ABI2: variants seen among roughly 807,000 people sequenced by gnomAD.
ABI2 encodes abl interactor 2, also known as abelson interactor 2.
ABI2 carries 25 observed loss-of-function variants against 59.2 expected under a neutral mutation model. That is an observed-to-expected ratio of 0.42 (90% CI 0.31 to 0.59). The LOEUF is 0.59. Ranked by LOEUF, ABI2 falls within the 20% of genes least tolerant of loss-of-function variation. The probability of loss-of-function intolerance (pLI) is 0.14; values close to 1 mark genes in which losing one functional copy is unlikely to be tolerated. For missense variants in ABI2, 545 were observed against 681.8 expected (o/e 0.80, Z 2.23); for synonymous variants, 213 against 235.5 (o/e 0.90, Z 0.87).
At chr2:203,358,120 T>C in intron 1 of ABI2, among the ~76,000 whole-genome samples, 1 of 125,678 alleles carries the variant, frequency 8.0e-6, no homozygotes, top group Admixed American at 8.3e-5. Context: ...TGTGTTTGTT[T>C]GTTTGTTTGT....
intron 11 of ABI2, among the ~76,000 whole-genome samples, chr2:203,422,594 A>G (rs1270850876): frequency 6.6e-6 from 1 of 152,208 alleles, no homozygotes; most frequent in Non-Finnish European, 1.5e-5. Flanking sequence ...CATGGAAGCC[A>G]TGGAGGAAAA....
intron 1 of ABI2, among the ~76,000 whole-genome samples, chr2:203,344,911 C>A (rs951298907): frequency 3.9e-5 from 6 of 152,150 alleles, no homozygotes; most frequent in Non-Finnish European, 8.8e-5. Context: ...AAAAACGAAC[C>A]AATCAGCGCT....
Position 203,328,552 on chromosome 2 carries a change from CG to C in ABI2, c.44del (p.Gly15AlafsTer33). The C allele has an allele frequency of 4.4e-6, 7 of 1,604,752 alleles. No individual in the cohort carries two copies. The highest frequency in any genetic ancestry group is 4.6e-5 in the East Asian group (2 of 43,294). On this transcript the variant is annotated frameshift_variant, in exon 1 of 12. Coordinates refer to ENST00000261018, the MANE Select transcript of ABI2 (RefSeq NM_001375670.1). LOFTEE classifies it high-confidence loss of function. ...CAGATGCTGCTGGAAGAGGAAATCC[CG>C]GGGGGCCGCCGGGCCCTCTTCGACA... ...ELQMLLEEEI[P>X]GGRRALFDSY... is the part of the protein sequence containing the mutation.
intron 1 of ABI2, among the ~76,000 whole-genome samples, chr2:203,346,170 T>C (rs1004971782): frequency 6.6e-6 from 1 of 152,016 alleles, no homozygotes; most frequent in African/African-American, 2.4e-5. Flanking sequence ...AAATTGCTTG[T>C]AATTCTATGT....
Position 203,391,079 on chromosome 2 carries a change from C to T in ABI2, c.514C>T (p.Pro172Ser). 6.2e-7 allele frequency: 1 copy of T among 1,613,832 alleles called. No homozygotes were observed. Among genetic ancestry groups the T allele is most frequent in the South Asian group, 1.1e-5 (1 of 91,018 alleles). The change falls in exon 5 of 12, where the codon CCG becomes TCG. Residue 172 changes from proline to serine, a missense_variant. Around this residue, in one of 4 missense-constraint regions of ABI2, gnomAD observed 410 missense variants for 435.6 expected, o/e 0.94. Transcript: ENST00000261018. ...STQNMKMGGL[P>S]RTTPPTQKPP... ...CCAGAACATGAAGATGGGTGGGCTGCCGCGTACAACACCTCCAACTCAGAA... is the reference window on the plus strand; with the variant it reads ...CCAGAACATGAAGATGGGTGGGCTGTCGCGTACAACACCTCCAACTCAGAA...
rs1480336260 is a variant in ABI2, at chr2:203,394,765, C to T, written c.644C>T (p.Pro215Leu). The change falls in exon 6 of 12, where the codon CCT (proline) becomes CTT (leucine). Residue 215 changes from proline to leucine, a missense_variant. Transcript: ENST00000261018. ...CCAGTGGTACCAAATGATTACGTACCTAGCCCAACCCGTAATATGGCTCCC... is the reference window on the plus strand; with the variant it reads ...CCAGTGGTACCAAATGATTACGTACTTAGCCCAACCCGTAATATGGCTCCC... ...RPPVVPNDYV[P>L]SPTRNMAPSQ... The T allele has an allele frequency of 1.2e-6, 2 of 1,613,966 alleles. No homozygotes were observed. Among genetic ancestry groups the T allele is most frequent in the African/African-American group, 2.7e-5 (2 of 74,898 alleles).
intron 4 of ABI2, among the ~76,000 whole-genome samples, chr2:203,387,716 T>C (rs2153276145): frequency 6.6e-6 from 1 of 152,368 alleles, no homozygotes; most frequent in Non-Finnish European, 1.5e-5. Flanking sequence ...CCTAAACTGC[T>C]GTGTGTGCCT....
chr2:203,366,945 C>T lies in ABI2; in HGVS notation c.186C>T (p.Ala62=). Residue 62 remains alanine (A), a synonymous_variant, in exon 2 of 12, where the codon GCC becomes GCT. Coordinates refer to ENST00000261018, the MANE Select transcript of ABI2 (RefSeq NM_001375670.1). Reference sequence around the variant, plus strand: ...CCACCCAATCCTTAGCAAGTGTTGCCTATCTGATAAACACCTTGGCCAACA... The same window carrying T: ...CCACCCAATCCTTAGCAAGTGTTGCTTATCTGATAAACACCTTGGCCAACA... The part of the protein sequence containing the change: ...AYTTQSLASV[A]YLINTLANNV... The T allele has an allele frequency of 6.2e-7, 1 of 1,613,554 alleles. No individual in the cohort carries two copies. The highest frequency in any genetic ancestry group is 1.3e-5 in the African/African-American group (1 of 75,000).
In ABI2 at chr2:203,431,857, G is replaced by A. The variant is rs1301037051; in HGVS notation, c.*4505G>A. On this transcript the variant is annotated 3_prime_UTR_variant, in exon 12 of 12. Coordinates refer to ENST00000261018, the MANE Select transcript of ABI2 (RefSeq NM_001375670.1). ...TCTTTTGCAACTTAAGAATTCTATG[G>A]AAAAGCAGTTTTTATCATATTTTGT... The A allele has an allele frequency of 6.6e-6, 1 of 152,082 alleles. No homozygotes were observed. The highest frequency in any genetic ancestry group is 1.5e-5 in the Non-Finnish European group (1 of 68,008). 9.4% of individuals were successfully genotyped at this position (152,082 alleles called of 1,614,324 possible). A position where few individuals can be genotyped will look rare whatever the true frequency, so the allele number is the denominator to read the frequency against.
At chr2:203,357,651 T>A (rs2152849158) in intron 1 of ABI2, among the ~76,000 whole-genome samples, 1 of 152,382 alleles carries the variant, frequency 6.6e-6, no homozygotes, top group East Asian at 1.9e-4. Flanking sequence ...AGTGTCATGT[T>A]ATTGAGAACT....
At chr2:203,399,082 T>C (rs562468998) in intron 8 of ABI2, among the ~76,000 whole-genome samples, 17 of 152,286 alleles carry the variant, frequency 1.1e-4, no homozygotes, top group African/African-American at 3.4e-4. Flanking sequence ...ATTGCTGGGT[T>C]ATATTGTAAG....
intron 1 of ABI2, among the ~76,000 whole-genome samples, chr2:203,350,876 G>A (rs2087697371): frequency 9.2e-6 from 1 of 108,276 alleles, no homozygotes; most frequent in African/African-American, 2.9e-5. Flanking sequence ...GTGTGTGTGT[G>A]TGTGTGTGTG....
rs942900841 is a variant in ABI2, at chr2:203,367,041, A to G, written c.282A>G (p.Ser94=). 1.2e-6 allele frequency: 2 copies of G among 1,612,314 alleles called. No individual in the cohort carries two copies. Among genetic ancestry groups the G allele is most frequent in the African/African-American group, 2.7e-5 (2 of 74,870 alleles). ...RRMESSINHI[S]QTVDIHKEKV... ...TGGAATCTTCAATCAATCATATTTC[A>G]CAAGTGAGACCACAATATTTTCCTA... Residue 94 remains serine, a synonymous_variant, in exon 2 of 12, where the codon TCA becomes TCG. Transcript: ENST00000261018.
chr2:203,384,328 A>G (rs1379182177), intron 4 of ABI2, among the ~76,000 whole-genome samples: 2 of 101,416 alleles, frequency 2.0e-5, no homozygotes, highest in African/African-American at 1.1e-4. Flanking sequence ...TTTTTTTGAG[A>G]CAGGGTCTCA....
intron 1 of ABI2, among the ~76,000 whole-genome samples, chr2:203,358,115 T>TGTG (rs57591649): frequency 0.016 from 1,040 of 63,304 alleles, 5 homozygotes; most frequent in Admixed American, 0.031. Flanking sequence ...GTGTGTGTGT[T>TGTG]TGTTTGTTTG....
At chr2:203,395,448 T>TACACACACACACACACACAC (rs59156204) in intron 6 of ABI2, among the ~76,000 whole-genome samples, 2 of 115,328 alleles carry the variant, frequency 1.7e-5, no homozygotes, top group Admixed American at 1.0e-4. Context: ...TATATATATA[T>TACACACACACACACACACAC]ACACACACAC....
intron 1 of ABI2, among the ~76,000 whole-genome samples, chr2:203,330,024 A>G (rs2071960167): frequency 6.6e-6 from 1 of 152,118 alleles, no homozygotes; most frequent in Admixed American, 6.5e-5. Flanking sequence ...GGCGTGAGGC[A>G]CCTTTCTTAA....
chr2:203,377,484 G>T (rs1407468930), intron 2 of ABI2, among the ~76,000 whole-genome samples: 1 of 152,132 alleles, frequency 6.6e-6, no homozygotes, highest in East Asian at 1.9e-4. Flanking sequence ...GTTATCTGAT[G>T]AACCTTTTAT....
At chr2:203,426,077 C>T (rs2098418709) in intron 11 of ABI2, among the ~76,000 whole-genome samples, 2 of 150,330 alleles carry the variant, frequency 1.3e-5, no homozygotes, top group Admixed American at 6.6e-5. Context: ...GGAAAATATT[C>T]ACAATTTAAG....
Sources: gnomAD v4.1 joint callset for allele counts (sites outside exome capture counted in the v4.1 genomes callset) on GRCh38, gnomAD v4.1.1 for gene constraint, gnomAD v4.1.1 regional missense constraint, MANE v1.5 for transcripts, NCBI Gene and HGNC (gene_info 2026-07-23, HGNC 2026-07-21) for gene names.